The following NPFFR1 variants were observed in gnomAD, a reference collection of about 807,000 sequenced individuals.
The protein encoded by NPFFR1 is neuropeptide FF receptor 1.
A neutral mutation model predicts 12.7 loss-of-function variants in NPFFR1; 17 were observed. The observed-to-expected ratio is 1.34, with a 90% confidence interval of 0.92 to 2.01. NPFFR1 has a LOEUF of 2.01. Ranked by LOEUF, NPFFR1 falls within the 30% of genes most tolerant of loss-of-function variation. The probability of loss-of-function intolerance (pLI) is 0.00; values close to 1 mark genes in which losing one functional copy is unlikely to be tolerated. For synonymous variants in NPFFR1, 296 were observed against 264.5 expected (o/e 1.12, Z -1.16); for missense variants, 604 against 606.5 (o/e 1.00, Z 0.04).
In NPFFR1 at chr10:70,255,226, C is replaced by T. The variant is rs781148294; in HGVS notation, c.1024G>A (p.Ala342Thr). The T allele has an allele frequency of 5.8e-6, 9 of 1,552,350 alleles. No homozygotes were observed. The South Asian group carries it at 5.9e-5, about 10-fold the overall frequency. Reference protein sequence around the residue: ...FNENFRRGFQAAFRARLCPRP... With the variant: ...FNENFRRGFQTAFRARLCPRP... Reference sequence around the variant, plus strand: ...GGGCAGAGGCGGGCGCGGAAGGCGGCCTGGAAGCCGCGGCGGAAGTTCTCG... The same window carrying T: ...GGGCAGAGGCGGGCGCGGAAGGCGGTCTGGAAGCCGCGGCGGAAGTTCTCG... Residue 342 changes from alanine to threonine, a missense_variant, in exon 4 of 4, where the codon GCC (alanine) becomes ACC (threonine). Ala to Thr is a moderately conservative substitution (Grantham distance 58, BLOSUM62 0). Transcript: ENST00000277942. This position sits in a 1 kb window ranked among gnomAD's most constrained non-coding sequence, Gnocchi z 4.2.
At chr10:70,279,389 C>T (rs898712023) in intron 1 of NPFFR1, among the ~76,000 whole-genome samples, 3 of 151,178 alleles carry the variant, frequency 2.0e-5, no homozygotes, top group East Asian at 1.9e-4. Context: ...TCAGGTGATC[C>T]GCCTGCCTCA....
intron 1 of NPFFR1, among the ~76,000 whole-genome samples, chr10:70,282,925 T>A (rs1316653635): frequency 6.6e-6 from 1 of 152,114 alleles, no homozygotes; most frequent in African/African-American, 2.4e-5. Flanking sequence ...TCACTCTCCT[T>A]TCCTTAGGGA....
At position 70,266,344 on chromosome 10, in the gene NPFFR1, C is replaced by T. The variant is rs544655006; in HGVS notation, c.55G>A (p.Gly19Arg). 8.1e-6 allele frequency: 13 copies of T among 1,613,558 alleles called. No homozygotes were observed. Among genetic ancestry groups the T allele is most frequent in the South Asian group, 1.1e-5 (1 of 90,930 alleles). Residue 19 changes from glycine to arginine, a missense_variant, in exon 2 of 4, where the codon GGG (glycine) becomes AGG (arginine). Physicochemically the swap from Gly to Arg is moderately radical, Grantham distance 125. Coordinates refer to ENST00000277942, the MANE Select transcript of NPFFR1 (RefSeq NM_022146.5). ...GCCGGGGTGGCCTCAGTGTTAGTCC[C>T]ATTCTGACTTAGGGGCCAACTGCTG... ...PNSSWPLSQN[G>R]TNTEATPATN...
intron 1 of NPFFR1, among the ~76,000 whole-genome samples, chr10:70,269,215 A>C (rs569280930): frequency 5.3e-5 from 8 of 152,128 alleles, no homozygotes; most frequent in African/African-American, 1.9e-4. Flanking sequence ...GTGCTGGCTC[A>C]ATCAGGGGGC....
intron 1 of NPFFR1, among the ~76,000 whole-genome samples, chr10:70,279,463 T>G (rs12784083): frequency 0.25 from 37,096 of 151,246 alleles, 5,624 homozygotes; most frequent in South Asian, 0.43. Context: ...TTTATTTATT[T>G]ATTTATTTAT....
chr10:70,254,261 G>A lies in NPFFR1; in HGVS notation c.*696C>T, dbSNP rs1431153041. ...AAGACCTAGAGTGCCCTGCAACTGA[G>A]GCAGCCTCCCCAAGGCTCGTTCTGA... is the stretch of plus-strand genomic sequence containing the variant. On this transcript the variant is annotated 3_prime_UTR_variant, in exon 4 of 4. Coordinates refer to ENST00000277942, the MANE Select transcript of NPFFR1 (RefSeq NM_022146.5). 6.6e-6 allele frequency: 1 copy of A among 152,232 alleles called. No homozygotes were observed. The highest frequency in any genetic ancestry group is 6.5e-5 in the Admixed American group (1 of 15,274). 9.4% of individuals were successfully genotyped at this position (152,232 alleles called of 1,614,324 possible).
intron 1 of NPFFR1, among the ~76,000 whole-genome samples, chr10:70,280,585 T>A (rs1160316510): frequency 6.6e-6 from 1 of 152,244 alleles, no homozygotes; most frequent in Non-Finnish European, 1.5e-5. Context: ...TTTTTTGTTT[T>A]CTTGCTGTTG....
chr10:70,266,809 A>T (rs1840696649), intron 1 of NPFFR1, among the ~76,000 whole-genome samples: 1 of 152,234 alleles, frequency 6.6e-6, no homozygotes, highest in South Asian at 2.1e-4. Context: ...GAGAGAGGTC[A>T]GGGTGTTTGT....
chr10:70,257,279 C>T (rs1228419174), intron 3 of NPFFR1, among the ~76,000 whole-genome samples: 3 of 152,220 alleles, frequency 2.0e-5, no homozygotes, highest in Non-Finnish European at 2.9e-5. Context: ...AAGACTTGTA[C>T]TTTAAACAAT....
chr10:70,281,704 T>C (rs1353230392), intron 1 of NPFFR1, among the ~76,000 whole-genome samples: 2 of 152,230 alleles, frequency 1.3e-5, no homozygotes, highest in African/African-American at 4.8e-5. Flanking sequence ...CATATTTCCA[T>C]GTCAATAAAG....
Position 70,248,489 on chromosome 10 carries a change from T to TTTTTTTTTTTTTTTTTTTTTTTTG in NPFFR1, c.*6467_*6468insCAAAAAAAAAAAAAAAAAAAAAAA, listed in dbSNP as rs1840477391. 1 of 113,878 alleles carries TTTTTTTTTTTTTTTTTTTTTTTTG rather than the reference T, an allele frequency of 8.8e-6. No homozygotes were observed. The highest frequency in any genetic ancestry group is 1.8e-5 in the Non-Finnish European group (1 of 57,096). 7.1% of individuals were successfully genotyped at this position (113,878 alleles called of 1,614,324 possible). A position where few individuals can be genotyped will look rare whatever the true frequency, so the allele number is the denominator to read the frequency against. On this transcript the variant is annotated 3_prime_UTR_variant, in exon 4 of 4. Coordinates refer to ENST00000277942, the MANE Select transcript of NPFFR1 (RefSeq NM_022146.5). ...GGCGTTTTTTTTTTGTTTTTTGTTT[T>TTTTTTTTTTTTTTTTTTTTTTTTG]TTTTTTTTTTTTTTGAGATGGAGTC...
chr10:70,277,620 G>A lies in NPFFR1; in HGVS notation c.7+6050C>T, dbSNP rs548809256. On this transcript the variant is annotated intron_variant, in intron 1 of 3. Transcript: ENST00000277942. ...TTCCGTACATGGCCACTTCCCCATA[G>A]CTGTGCCCACTTCCAGCCAGTGCGG... Among the ~76,000 whole-genome samples the A allele has an allele frequency of 2.0e-5, 3 of 152,324 alleles. No individual in the cohort carries two copies. The East Asian group carries it at 5.8e-4, about 29-fold the overall frequency.
chr10:70,270,081 G>C (rs748330138), intron 1 of NPFFR1, among the ~76,000 whole-genome samples: 42 of 152,316 alleles, frequency 2.8e-4, no homozygotes, highest in Middle Eastern at 3.4e-3. Flanking sequence ...CCCCATGCTT[G>C]ACAGCACCTG....
Position 70,253,449 on chromosome 10 carries a change from GC to G in NPFFR1, c.*1507del, listed in dbSNP as rs1840531959. ...GCCCCTCTGTGGCCCTGGAAACTTG[GC>G]CCCTTTGAGCTTCAGTCACTTTGTG... On this transcript the variant is annotated 3_prime_UTR_variant, in exon 4 of 4. Coordinates refer to ENST00000277942, the MANE Select transcript of NPFFR1 (RefSeq NM_022146.5). 6.6e-6 allele frequency: 1 copy of G among 152,096 alleles called. No individual in the cohort carries two copies. The highest frequency in any genetic ancestry group is 2.1e-4 in the South Asian group (1 of 4,818). The allele number at this position is 152,096 out of a possible 1,614,324, so 9.4% of individuals were successfully genotyped here.
chr10:70,260,528 C>T, intron 3 of NPFFR1, 112 bp downstream of exon 3: 2 of 959,098 alleles, frequency 2.1e-6, no homozygotes, highest in Non-Finnish European at 3.3e-6. Context: ...TTTAGCCCCA[C>T]TTACCATGGT....
intron 2 of NPFFR1, among the ~76,000 whole-genome samples, chr10:70,264,897 C>T (rs1840674504): frequency 6.6e-6 from 1 of 152,212 alleles, no homozygotes; most frequent in African/African-American, 2.4e-5. Flanking sequence ...TGGGGAGACG[C>T]CACCTTAACC....
chr10:70,272,244 G>GAAAGAAAGAAAGAAAGAAAGA (rs60571634), intron 1 of NPFFR1, among the ~76,000 whole-genome samples: 5,843 of 63,424 alleles, frequency 0.092, 575 homozygotes, highest in South Asian at 0.11. Context: ...AAGAAAGAAA[G>GAAAGAAAGAAAGAAAGAAAGA]AAGAAAGAAG....
intron 1 of NPFFR1, among the ~76,000 whole-genome samples, chr10:70,269,305 C>T (rs1056848907): frequency 2.7e-5 from 4 of 150,524 alleles, no homozygotes; most frequent in Admixed American, 6.6e-5. Flanking sequence ...TACAGCCGTG[C>T]GCCACCAAGC....
At chr10:70,256,696 C>T (rs1385295869) in intron 3 of NPFFR1, among the ~76,000 whole-genome samples, 1 of 152,200 alleles carries the variant, frequency 6.6e-6, no homozygotes, top group Non-Finnish European at 1.5e-5. Flanking sequence ...ATAGTTACTA[C>T]ACTGTTGATT....
Sources: allele counts gnomAD v4.1 joint callset (sites outside exome capture counted in the v4.1 genomes callset), GRCh38; gene constraint gnomAD v4.1.1; non-coding constraint Gnocchi (gnomAD v3.1); transcripts MANE v1.5; gene names NCBI Gene and HGNC (gene_info 2026-07-23, HGNC 2026-07-21).